The following USH2A variants were observed in gnomAD, a reference collection of about 807,000 sequenced individuals.
USH2A encodes the protein usherin.
Under a neutral mutation model 538.9 loss-of-function variants are expected in USH2A, and 443 were observed. That is an observed-to-expected ratio of 0.82 (90% CI 0.76 to 0.89). USH2A has a LOEUF of 0.89. Among genes scored for constraint, USH2A ranks in the 40% least tolerant of loss-of-function variants. USH2A has a pLI of 0.00. For synonymous variants in USH2A, 2,413 were observed against 2,273.5 expected (o/e 1.06, Z -1.75); for missense variants, 6,633 against 6,324.8 (o/e 1.05, Z -1.65).
At chr1:216,117,155 T>C (rs2033027702) in intron 21 of USH2A, among the ~76,000 whole-genome samples, 1 of 152,134 alleles carries the variant, frequency 6.6e-6, no homozygotes, top group African/African-American at 2.4e-5. Flanking sequence ...AGTATTTTAC[T>C]AAAATGGCAT....
intron 13 of USH2A, among the ~76,000 whole-genome samples, chr1:216,242,000 A>G (rs888878364): frequency 1.3e-5 from 2 of 152,138 alleles, no homozygotes; most frequent in African/African-American, 4.8e-5. Flanking sequence ...ATCGTATTTT[A>G]TTTACTTGTG....
At chr1:215,630,470 G>A (rs1215221047) in intron 70 of USH2A, among the ~76,000 whole-genome samples, 1 of 88,832 alleles carries the variant, frequency 1.1e-5, no homozygotes, top group Non-Finnish European at 2.1e-5. Context: ...ATATGTATGT[G>A]TATGTGTGTG....
intron 38 of USH2A, among the ~76,000 whole-genome samples, chr1:215,910,341 G>T (rs749672446): frequency 5.9e-5 from 9 of 151,960 alleles, no homozygotes; most frequent in Non-Finnish European, 1.3e-4. Context: ...CACAAAAGAG[G>T]CAGATCTGTG....
chr1:216,154,540 T>C (rs1005053340), intron 21 of USH2A, among the ~76,000 whole-genome samples: 10 of 152,298 alleles, frequency 6.6e-5, no homozygotes, highest in African/African-American at 2.2e-4. Context: ...GAGATAAAAA[T>C]TTACATATAT....
intron 56 of USH2A, among the ~76,000 whole-genome samples, chr1:215,761,906 G>C (rs1338218897): frequency 6.6e-6 from 1 of 152,058 alleles, no homozygotes; most frequent in Non-Finnish European, 1.5e-5. Context: ...GTAATCAATA[G>C]CTTTTGCTTG....
At chr1:216,259,777 T>A (rs1283743885) in intron 11 of USH2A, among the ~76,000 whole-genome samples, 1 of 152,142 alleles carries the variant, frequency 6.6e-6, no homozygotes, top group Non-Finnish European at 1.5e-5. Context: ...AAATTTAGAT[T>A]AAGCACATGT....
chr1:216,051,436 A>G (rs575151952), intron 30 of USH2A, among the ~76,000 whole-genome samples: 1 of 152,398 alleles, frequency 6.6e-6, no homozygotes, highest in East Asian at 1.9e-4. Context: ...TTCTATCTTT[A>G]GCAAATCTTT....
chr1:216,214,787 G>A (rs985036667), intron 15 of USH2A, among the ~76,000 whole-genome samples: 7 of 151,932 alleles, frequency 4.6e-5, no homozygotes, highest in Non-Finnish European at 1.0e-4. Flanking sequence ...ATATAAAGAT[G>A]AATAAATAAC....
chr1:216,334,997 CAA>C (rs1371345315), intron 4 of USH2A, among the ~76,000 whole-genome samples: 7 of 151,670 alleles, frequency 4.6e-5, no homozygotes, highest in African/African-American at 1.4e-4. Context: ...CAACAGAATA[CAA>C]ACTCTTCTCA....
At chr1:216,402,657 A>G (rs1432132083) in intron 3 of USH2A, among the ~76,000 whole-genome samples, 6 of 152,192 alleles carry the variant, frequency 3.9e-5, no homozygotes, top group African/African-American at 1.2e-4. Context: ...TACAGCACGT[A>G]AAACATATAA....
At chr1:215,969,292 T>C (rs371517774) in intron 36 of USH2A, among the ~76,000 whole-genome samples, 4 of 152,180 alleles carry the variant, frequency 2.6e-5, no homozygotes, top group South Asian at 4.1e-4. Context: ...AATGAAGCCA[T>C]GGCAGACTAG....
chr1:216,024,525 C>T (rs1571898138), intron 32 of USH2A, among the ~76,000 whole-genome samples: 1 of 151,972 alleles, frequency 6.6e-6, no homozygotes, highest in East Asian at 1.9e-4. Flanking sequence ...GGGAATAATA[C>T]TTTAAAATAT....
intron 56 of USH2A, among the ~76,000 whole-genome samples, chr1:215,762,524 C>T (rs1661008337): frequency 2.0e-5 from 3 of 152,166 alleles, no homozygotes; most frequent in Non-Finnish European, 1.5e-5. Context: ...ACTCCATGCC[C>T]ATTGGTTTGA....
In USH2A at chr1:216,338,804, G is replaced by T. The variant is rs1029732819; in HGVS notation, c.785-11150C>A. On this transcript the variant is annotated intron_variant, in intron 4 of 71. Coordinates refer to ENST00000307340, the MANE Select transcript of USH2A (RefSeq NM_206933.4). Reference sequence around the variant, plus strand: ...TTTCAATATTTTAATAGTTACTAAAGAAATTAAAATTAAAACGAAAATAAG... The same window carrying T: ...TTTCAATATTTTAATAGTTACTAAATAAATTAAAATTAAAACGAAAATAAG... Among the ~76,000 whole-genome samples the T allele has an allele frequency of 2.6e-5, 4 of 151,420 alleles. No individual in the cohort carries two copies. The East Asian group carries it at 7.8e-4, about 29-fold the overall frequency.
intron 13 of USH2A, among the ~76,000 whole-genome samples, chr1:216,239,107 A>C (rs2035884470): frequency 6.6e-6 from 1 of 151,902 alleles, no homozygotes; most frequent in African/African-American, 2.4e-5. Context: ...AAACCAGGAA[A>C]AAAAAAAACA....
intron 38 of USH2A, among the ~76,000 whole-genome samples, chr1:215,926,738 C>T (rs1239871584): frequency 6.6e-6 from 1 of 151,412 alleles, no homozygotes; most frequent in Non-Finnish European, 1.5e-5. Context: ...CTACCCCAGC[C>T]TCCCGAATAG....
At chr1:216,068,958 C>T (rs535414501) in intron 30 of USH2A, among the ~76,000 whole-genome samples, 62 of 151,996 alleles carry the variant, frequency 4.1e-4, no homozygotes, top group South Asian at 1.9e-3. Context: ...TAAAATAGAA[C>T]GCTGTCAGCT....
Position 216,207,259 on chromosome 1 carries a change from A to T in USH2A, c.3316+14T>A, listed in dbSNP as rs984067574. ...TCAGAATATTTATTTCTATTACCAAACCCTTAAACTCACTGTATGGGTATT... is the reference window on the plus strand; with the variant it reads ...TCAGAATATTTATTTCTATTACCAATCCCTTAAACTCACTGTATGGGTATT... On this transcript the variant is annotated intron_variant, in intron 16 of 71. Coordinates refer to ENST00000307340, the MANE Select transcript of USH2A (RefSeq NM_206933.4). 1 of 1,613,728 alleles carries T rather than the reference A, an allele frequency of 6.2e-7. No homozygotes were observed. The highest frequency in any genetic ancestry group is 1.1e-5 in the South Asian group (1 of 91,064).
intron 9 of USH2A, among the ~76,000 whole-genome samples, chr1:216,312,980 A>G (rs935363154): frequency 4.6e-5 from 7 of 151,962 alleles, no homozygotes; most frequent in African/African-American, 1.4e-4. Context: ...AAAGCGTTCT[A>G]TGGCAGTGGT....
Sources: allele counts gnomAD v4.1 joint callset (sites outside exome capture counted in the v4.1 genomes callset), GRCh38; gene constraint gnomAD v4.1.1; transcripts MANE v1.5; gene names NCBI Gene and HGNC (gene_info 2026-07-23, HGNC 2026-07-21).